Variants in ASH1L observed in about 807,000 individuals in gnomAD.
The protein encoded by ASH1L is histone-lysine N-methyltransferase ASH1L.
In ASH1L, 23 loss-of-function variants were observed where a neutral mutation model predicts 269.0. The observed-to-expected ratio is 0.09, with a 90% CI of 0.06 to 0.12. ASH1L has a LOEUF of 0.12. ASH1L is among the 10% of genes least tolerant of loss of function. ASH1L has a pLI of 1.00. For missense variants in ASH1L, 2,912 were observed against 3,567.8 expected (o/e 0.82, Z 4.68); for synonymous variants, 1,187 against 1,253.5 (o/e 0.95, Z 1.12).
At chr1:155,354,102 T>C (rs1043869150) in intron 16 of ASH1L, among the ~76,000 whole-genome samples, 1 of 152,238 alleles carries the variant, frequency 6.6e-6, no homozygotes, top group Non-Finnish European at 1.5e-5. Context: ...AGTTGTTAAA[T>C]AGATTATCTG....
At position 155,338,275 on chromosome 1, in the gene ASH1L, T is replaced by G; in HGVS notation, c.8617A>C (p.Ile2873Leu). 1 of 1,614,110 alleles carries G rather than the reference T, an allele frequency of 6.2e-7. No individual in the cohort carries two copies. Among genetic ancestry groups the G allele is most frequent in the Non-Finnish European group, 8.5e-7 (1 of 1,180,024 alleles). ...LASQEQAANEIPSLEEPEREG... is the reference protein window; with the variant it reads ...LASQEQAANELPSLEEPEREG... ...CGTTCTGGCTCCTCCAGGCTGGGTA[T>G]CTCATTGGCTGCTTGCTCTTGACTG... Residue 2873 changes from isoleucine (I) to leucine (L), a missense_variant, in exon 27 of 28, where the codon ATA becomes CTA. Transcript: ENST00000392403.
chr1:155,482,865 C>T (rs1412393220), intron 2 of ASH1L, among the ~76,000 whole-genome samples: 2 of 152,130 alleles, frequency 1.3e-5, no homozygotes, highest in African/African-American at 4.8e-5. Flanking sequence ...TAATAGTTTA[C>T]TGCCTACCTC....
chr1:155,473,492 A>ATT (rs774259211), intron 3 of ASH1L, among the ~76,000 whole-genome samples: 3,343 of 127,694 alleles, frequency 0.026, 181 homozygotes, highest in African/African-American at 0.091. Flanking sequence ...TAGTATTTCT[A>ATT]TTTTTTTTTT....
chr1:155,378,555 G>A lies in ASH1L; in HGVS notation c.6178-7C>T, dbSNP rs369546351. 296 of 1,605,062 alleles carry A rather than the reference G, an allele frequency of 1.8e-4. No individual in the cohort carries two copies. Among genetic ancestry groups the A allele is most frequent in the Non-Finnish European group, 2.4e-4 (277 of 1,175,708 alleles). ...CATCTGGCTTTTTGTATAGCTAGAA[G>A]AAAAGAAGAAAAATCTTGATATAGC... On this transcript the variant is annotated splice_polypyrimidine_tract_variant and splice_region_variant and intron_variant, in intron 8 of 27. Transcript: ENST00000392403.
intron 5 of ASH1L, among the ~76,000 whole-genome samples, chr1:155,420,446 T>C (rs1660581896): frequency 6.7e-6 from 1 of 148,182 alleles, no homozygotes; most frequent in Admixed American, 6.7e-5. Context: ...TACAGAAATA[T>C]AATTTCTTTA....
chr1:155,368,130 G>A (rs1422302116), intron 12 of ASH1L, among the ~76,000 whole-genome samples: 3 of 152,032 alleles, frequency 2.0e-5, no homozygotes, highest in Non-Finnish European at 4.4e-5. Context: ...AGTCTCCCAA[G>A]TAGCACCATC....
Position 155,478,739 on chromosome 1 carries a change from T to C in ASH1L, c.4131A>G (p.Gly1377=). 6.2e-7 allele frequency: 1 copy of C among 1,613,910 alleles called. No individual in the cohort carries two copies. Among genetic ancestry groups the C allele is most frequent in the Non-Finnish European group, 8.5e-7 (1 of 1,179,996 alleles). The change falls in exon 3 of 28, where the codon GGA becomes GGG. Residue 1377 remains glycine (G), a synonymous_variant. Transcript: ENST00000392403. The surrounding 1 kb of genome is among the most constrained non-coding windows in gnomAD (Gnocchi z 4.6). ...HSLSFPLSST[G]FYPSYGMPYS... Reference sequence around the variant, plus strand: ...AAGGCATACCATAAGATGGATAGAATCCAGTACTAGAAAGAGGAAAACTAA... The same window carrying C: ...AAGGCATACCATAAGATGGATAGAACCCAGTACTAGAAAGAGGAAAACTAA...
At chr1:155,514,391 C>G (rs115717395) in intron 2 of ASH1L, among the ~76,000 whole-genome samples, 1 of 152,020 alleles carries the variant, frequency 6.6e-6, no homozygotes, top group African/African-American at 2.4e-5. Context: ...ATAAATAAAA[C>G]AGGTAATACT....
intron 2 of ASH1L, among the ~76,000 whole-genome samples, chr1:155,501,061 G>A (rs1320274995): frequency 6.6e-6 from 1 of 152,014 alleles, no homozygotes; most frequent in African/African-American, 2.4e-5. Flanking sequence ...AAAGGCAATT[G>A]GAAAAACACA....
chr1:155,534,248 T>C (rs1343572223), intron 1 of ASH1L, among the ~76,000 whole-genome samples: 1 of 149,556 alleles, frequency 6.7e-6, no homozygotes, highest in Non-Finnish European at 1.5e-5. Flanking sequence ...AATAACAAGA[T>C]ACAAGCCTAC....
Position 155,438,904 on chromosome 1 carries a change from G to A in ASH1L, c.5251C>T (p.Arg1751Cys), listed in dbSNP as rs765159621. The part of the protein sequence containing the change: ...ASAPPSSSPG[R>C]SHSKDRTLGK... ...AGGGTTCGGTCCTTGCTGTGGCTAC[G>A]GCCTGGACTGGAAGAAGGTGGTGCA... Residue 1751 changes from arginine (R) to cysteine (C), a missense_variant, in exon 5 of 28, where the codon CGT becomes TGT. Coordinates refer to ENST00000392403, the MANE Select transcript of ASH1L (RefSeq NM_018489.3). 20 of 1,614,000 alleles carry A rather than the reference G, an allele frequency of 1.2e-5. No individual in the cohort carries two copies. In the East Asian group the frequency reaches 2.5e-4, roughly 20 times the overall value.
intron 12 of ASH1L, among the ~76,000 whole-genome samples, chr1:155,366,216 G>A (rs1655406083): frequency 6.6e-6 from 1 of 152,146 alleles, no homozygotes; most frequent in Non-Finnish European, 1.5e-5. Flanking sequence ...TGACATCTGG[G>A]CGTCCTCACT....
At chr1:155,443,979 C>CTTTTTTTTTTT (rs60206113) in intron 4 of ASH1L, among the ~76,000 whole-genome samples, 3 of 105,752 alleles carry the variant, frequency 2.8e-5, no homozygotes, top group African/African-American at 1.2e-4. Context: ...ATTACTAAAT[C>CTTTTTTTTTTT]TTTTTTTTTT....
rs57956370 is a variant in ASH1L at position 155,560,624 on chromosome 1, T to A, written c.-100+1529A>T. Among the ~76,000 whole-genome samples the A allele has an allele frequency of 6.1e-3, 935 of 152,260 alleles. 10 individuals are homozygous for A. The highest frequency in any genetic ancestry group is 0.022 in the African/African-American group (910 of 41,544). ...AGGCTATTTACAGAGACACCTTGAT[T>A]ATCCTCACGCCAAGGCATGGACCAT... is the stretch of plus-strand genomic sequence containing the variant. On this transcript the variant is annotated intron_variant, in intron 1 of 27. Coordinates refer to ENST00000392403, the MANE Select transcript of ASH1L (RefSeq NM_018489.3).
chr1:155,548,959 C>T (rs955962016), intron 1 of ASH1L, among the ~76,000 whole-genome samples: 1 of 152,154 alleles, frequency 6.6e-6, no homozygotes, highest in African/African-American at 2.4e-5. Flanking sequence ...ATTCAACCAA[C>T]CACGGATCAA....
intron 2 of ASH1L, among the ~76,000 whole-genome samples, 157 bp downstream of exon 2, chr1:155,520,943 G>T (rs963056482): frequency 6.6e-6 from 1 of 152,136 alleles, no homozygotes; most frequent in Non-Finnish European, 1.5e-5. Flanking sequence ...TTACATCTTT[G>T]ACAAGCCTTG....
Position 155,337,747 on chromosome 1 carries a change from A to G in ASH1L, c.8808T>C (p.Ile2936=). ...LLEKIPGKNA[I]DVTYLLEEGS... ...CTTCCTCCAGCAAGTAGGTCACATC[A>G]ATGGCTGAAAACAGAACCAAGGAGG... is the stretch of plus-strand genomic sequence containing the variant. Residue 2936 remains isoleucine, a synonymous_variant, in exon 28 of 28, where the codon ATT becomes ATC. Coordinates refer to ENST00000392403, the MANE Select transcript of ASH1L (RefSeq NM_018489.3). 1 of 1,613,864 alleles carries G rather than the reference A, an allele frequency of 6.2e-7. No individual in the cohort carries two copies. Among genetic ancestry groups the G allele is most frequent in the South Asian group, 1.1e-5 (1 of 91,082 alleles).
At chr1:155,485,899 C>T (rs1466576801) in intron 2 of ASH1L, among the ~76,000 whole-genome samples, 3 of 151,190 alleles carry the variant, frequency 2.0e-5, no homozygotes, top group Non-Finnish European at 4.4e-5. Flanking sequence ...AGTATCTTCA[C>T]TTTGAACTAG....
chr1:155,349,202 C>T (rs1444170963), intron 19 of ASH1L, 125 bp downstream of exon 19: 2 of 1,039,100 alleles, frequency 1.9e-6, no homozygotes, highest in African/African-American at 1.6e-5. Flanking sequence ...CCCAAGGATA[C>T]TCAAAAATGA....
Sources: gnomAD v4.1 joint callset for allele counts (sites outside exome capture counted in the v4.1 genomes callset) on GRCh38, gnomAD v4.1.1 for gene constraint, Gnocchi (gnomAD v3.1) non-coding constraint, MANE v1.5 for transcripts, NCBI Gene and HGNC (gene_info 2026-07-23, HGNC 2026-07-21) for gene names.